The following PDE3A variants were observed in gnomAD, a reference collection of about 807,000 sequenced individuals.
PDE3A encodes cGMP-inhibited 3',5'-cyclic phosphodiesterase 3A.
Under a neutral mutation model 98.3 loss-of-function variants are expected in PDE3A, and 43 were observed. That is an observed-to-expected ratio of 0.44 (90% CI 0.34 to 0.56). PDE3A has a LOEUF of 0.56. Among genes scored for constraint, PDE3A ranks in the 20% least tolerant of loss-of-function variants. PDE3A has a pLI of 0.01. For missense variants in PDE3A, 1,427 were observed against 1,440.7 expected (o/e 0.99, Z 0.15); for synonymous variants, 663 against 567.9 (o/e 1.17, Z -2.38).
chr12:20,386,067 TATAAAATATATATAA>T (rs1943767839), intron 1 of PDE3A, among the ~76,000 whole-genome samples: 1 of 33,322 alleles, frequency 3.0e-5, no homozygotes, highest in African/African-American at 9.4e-5. Context: ...TATAAATATA[TATAAAATATATATAA>T]ATATATAAAT....
At chr12:20,549,000 A>G (rs1291784564) in intron 1 of PDE3A, among the ~76,000 whole-genome samples, 1 of 152,126 alleles carries the variant, frequency 6.6e-6, no homozygotes, top group African/African-American at 2.4e-5. Context: ...ACATCAAGAA[A>G]GGGCTAGGGA....
intron 1 of PDE3A, 22 bp from the exon 2 acceptor site, chr12:20,556,638 A>G (rs1206160012): frequency 6.7e-7 from 1 of 1,489,932 alleles, no homozygotes; most frequent in Admixed American, 1.7e-5. Flanking sequence ...CATTTAACTT[A>G]TTATAATTTT....
intron 1 of PDE3A, among the ~76,000 whole-genome samples, chr12:20,465,127 T>A (rs573931089): frequency 1.1e-3 from 166 of 152,292 alleles, no homozygotes; most frequent in Non-Finnish European, 2.1e-4. Context: ...AAATTCCAGG[T>A]CTAAGTTCAT....
chr12:20,563,282 A>T (rs566650605), intron 2 of PDE3A, among the ~76,000 whole-genome samples: 3 of 152,318 alleles, frequency 2.0e-5, no homozygotes, highest in South Asian at 2.1e-4. Flanking sequence ...TGATAAGAGA[A>T]TGTGGAGAGA....
At chr12:20,404,142 A>G (rs1944185173) in intron 1 of PDE3A, among the ~76,000 whole-genome samples, 1 of 152,212 alleles carries the variant, frequency 6.6e-6, no homozygotes, top group South Asian at 2.1e-4. Context: ...TATTTGAGAT[A>G]AACTAAAATA....
At chr12:20,463,031 G>A (rs879005451) in intron 1 of PDE3A, among the ~76,000 whole-genome samples, 14 of 151,892 alleles carry the variant, frequency 9.2e-5, no homozygotes, top group Admixed American at 4.6e-4. Context: ...CTTGGCCCCC[G>A]CAAAGTGCTG....
chr12:20,416,019 G>A (rs1164985554), intron 1 of PDE3A, among the ~76,000 whole-genome samples: 6 of 152,116 alleles, frequency 3.9e-5, no homozygotes, highest in Admixed American at 3.3e-4. Flanking sequence ...TGAAGACGTC[G>A]TTTTGGTAGA....
chr12:20,461,252 A>AAAAT (rs1274165664), intron 1 of PDE3A, among the ~76,000 whole-genome samples: 1 of 151,334 alleles, frequency 6.6e-6, no homozygotes, highest in Non-Finnish European at 1.5e-5. Context: ...AAAAAAAAAA[A>AAAAT]AAAAGAGGAT....
At position 20,685,760 on chromosome 12, in the gene PDE3A, TTC is replaced by T. The variant is rs1945944289; in HGVS notation, c.*5493_*5494del. Among the ~76,000 whole-genome samples, 1 of 152,162 alleles carries T rather than the reference TTC, an allele frequency of 6.6e-6. No homozygotes were observed. Among genetic ancestry groups the T allele is most frequent in the African/African-American group, 2.4e-5 (1 of 41,450 alleles). On this transcript the variant is annotated 3_prime_UTR_variant, in exon 16 of 16. Transcript: ENST00000359062. Reference sequence around the variant, plus strand: ...AGTTGTGGAGCACAGAAGAAAAGCCTTCTCTTTACAGATAAAAAATGTTGAAC... The same window carrying T: ...AGTTGTGGAGCACAGAAGAAAAGCCTTCTTTACAGATAAAAAATGTTGAAC...
Position 20,552,579 on chromosome 12 carries a change from G to C in PDE3A, c.961-4081G>C. 1 of 1,613,844 alleles carries C rather than the reference G, an allele frequency of 6.2e-7. No homozygotes were observed. Among genetic ancestry groups the C allele is most frequent in the Non-Finnish European group, 8.5e-7 (1 of 1,179,852 alleles). ...CGGGCAAGGGCAAGTGGAAGCGGAA[G>C]TCGGCAGGAGGTGGCCCGAGCAGGG... is the stretch of plus-strand genomic sequence containing the variant. On this transcript the variant is annotated intron_variant, in intron 1 of 15. Coordinates refer to ENST00000359062, the MANE Select transcript of PDE3A (RefSeq NM_000921.5). This position sits in a 1 kb window ranked among gnomAD's most constrained non-coding sequence, Gnocchi z 5.1.
At chr12:20,420,422 A>G (rs1282209263) in intron 1 of PDE3A, among the ~76,000 whole-genome samples, 1 of 152,148 alleles carries the variant, frequency 6.6e-6, no homozygotes, top group Admixed American at 6.5e-5. Context: ...GTTCATGCGG[A>G]GGTTGACTGA....
intron 2 of PDE3A, among the ~76,000 whole-genome samples, chr12:20,597,481 A>G (rs1490908970): frequency 6.6e-6 from 1 of 152,152 alleles, no homozygotes; most frequent in African/African-American, 2.4e-5. Context: ...TTTCTGGATA[A>G]TAGGCTTTTT....
intron 15 of PDE3A, among the ~76,000 whole-genome samples, chr12:20,654,801 C>A (rs572137817): frequency 6.6e-6 from 1 of 151,958 alleles, no homozygotes. Flanking sequence ...CGTGAGCCAC[C>A]GCGCCCAGCT....
At chr12:20,457,403 T>C (rs1461663539) in intron 1 of PDE3A, among the ~76,000 whole-genome samples, 7 of 151,858 alleles carry the variant, frequency 4.6e-5, no homozygotes, top group Non-Finnish European at 8.8e-5. Context: ...ATTTCACTTA[T>C]GGATGAAACA....
intron 1 of PDE3A, chr12:20,371,452 A>G: frequency 1.0e-6 from 1 of 982,230 alleles, no homozygotes; most frequent in Non-Finnish European, 1.2e-6. Flanking sequence ...AACTTTAGGG[A>G]GCAAGAGAAT....
chr12:20,483,111 C>G (rs1945660713), intron 1 of PDE3A, among the ~76,000 whole-genome samples: 1 of 152,038 alleles, frequency 6.6e-6, no homozygotes, highest in African/African-American at 2.4e-5. Context: ...CTAAAAGAGG[C>G]CTTACGCGGT....
intron 2 of PDE3A, among the ~76,000 whole-genome samples, chr12:20,567,340 T>A (rs1942686573): frequency 6.6e-6 from 1 of 152,004 alleles, no homozygotes; most frequent in African/African-American, 2.4e-5. Flanking sequence ...AAAGCATGAA[T>A]AATAAAGCCA....
At chr12:20,423,656 C>T (rs1173412478) in intron 1 of PDE3A, among the ~76,000 whole-genome samples, 1 of 152,102 alleles carries the variant, frequency 6.6e-6, no homozygotes, top group African/African-American at 2.4e-5. Flanking sequence ...AGTGGCTAAT[C>T]TGTGCTTTAC....
chr12:20,613,170 G>A (rs1943911374), intron 2 of PDE3A, among the ~76,000 whole-genome samples: 1 of 151,948 alleles, frequency 6.6e-6, no homozygotes, highest in South Asian at 2.1e-4. Context: ...GAAACTTTTT[G>A]CCTTTTAAAA....
Sources: gnomAD v4.1 joint callset for allele counts (sites outside exome capture counted in the v4.1 genomes callset) on GRCh38, gnomAD v4.1.1 for gene constraint, Gnocchi (gnomAD v3.1) non-coding constraint, MANE v1.5 for transcripts, NCBI Gene and HGNC (gene_info 2026-07-23, HGNC 2026-07-21) for gene names.